PAX7: variants seen among roughly 807,000 people sequenced by gnomAD.
The protein encoded by PAX7 is paired box protein Pax-7.
In PAX7, 18 loss-of-function variants were observed where a neutral mutation model predicts 50.7. The ratio of observed to expected loss-of-function variants is 0.36; its 90% CI spans 0.25 to 0.53. The LOEUF is 0.53. PAX7 is among the 20% of genes least tolerant of loss of function. The pLI is 0.93. For synonymous variants in PAX7, 310 were observed against 290.4 expected (o/e 1.07, Z -0.69); for missense variants, 644 against 702.9 (o/e 0.92, Z 0.95).
chr1:18,699,738 T>G (rs2089193607), intron 5 of PAX7, among the ~76,000 whole-genome samples: 1 of 152,074 alleles, frequency 6.6e-6, no homozygotes, highest in East Asian at 1.9e-4. Context: ...TTTTTTTGTA[T>G]TTTTAGTAGA....
At chr1:18,679,878 C>CTT (rs1214788057) in intron 4 of PAX7, among the ~76,000 whole-genome samples, 4 of 152,238 alleles carry the variant, frequency 2.6e-5, no homozygotes, top group Admixed American at 2.0e-4. Context: ...CGCCAGGCAA[C>CTT]TGTGCTTGCC....
chr1:18,672,596 G>GTTTTTTTTTTTTTTTT (rs1034079316), intron 4 of PAX7, among the ~76,000 whole-genome samples: 1 of 125,844 alleles, frequency 7.9e-6, no homozygotes. Flanking sequence ...AGAGCACTGT[G>GTTTTTTTTTTTTTTTT]TTTTTTTTTT....
At chr1:18,712,061 C>T (rs952826729) in intron 7 of PAX7, among the ~76,000 whole-genome samples, 7 of 152,234 alleles carry the variant, frequency 4.6e-5, no homozygotes, top group Non-Finnish European at 7.3e-5. Flanking sequence ...TCCCCCGGTT[C>T]TCTTGGCGAG....
At chr1:18,724,211 A>T (rs2089528260) in intron 7 of PAX7, among the ~76,000 whole-genome samples, 1 of 151,404 alleles carries the variant, frequency 6.6e-6, no homozygotes, top group Non-Finnish European at 1.5e-5. Flanking sequence ...GCCCCACTCC[A>T]CCAGTCGAGG....
chr1:18,737,334 C>T (rs1022397271), intron 8 of PAX7, among the ~76,000 whole-genome samples: 5 of 152,256 alleles, frequency 3.3e-5, no homozygotes, highest in African/African-American at 7.2e-5. Flanking sequence ...TGCCCACCCC[C>T]CCAAACCCAC....
At chr1:18,637,172 C>A (rs1355908480) in intron 4 of PAX7, among the ~76,000 whole-genome samples, 8 of 152,152 alleles carry the variant, frequency 5.3e-5, no homozygotes, top group Admixed American at 2.6e-4. Context: ...AGTTTTCAAG[C>A]GCCCGGAAGC....
intron 4 of PAX7, among the ~76,000 whole-genome samples, chr1:18,675,752 C>T (rs2088813950): frequency 6.6e-6 from 1 of 152,150 alleles, no homozygotes; most frequent in South Asian, 2.1e-4. Context: ...TACCTGTGTT[C>T]GACCCCGATG....
intron 7 of PAX7, among the ~76,000 whole-genome samples, chr1:18,723,749 C>G (rs2089522498): frequency 6.6e-6 from 1 of 152,282 alleles, no homozygotes; most frequent in Non-Finnish European, 1.5e-5. Context: ...TTTTCCCTTC[C>G]ATTTTTAATA....
intron 4 of PAX7, among the ~76,000 whole-genome samples, chr1:18,657,443 CAA>C (rs1314489172): frequency 6.6e-6 from 1 of 152,016 alleles, no homozygotes; most frequent in East Asian, 1.9e-4. Flanking sequence ...TGCCTGATGG[CAA>C]AGAGACCAAA....
chr1:18,689,099 C>G (rs928595179), intron 4 of PAX7, among the ~76,000 whole-genome samples: 1 of 152,060 alleles, frequency 6.6e-6, no homozygotes. Flanking sequence ...TCCCCATCCG[C>G]CTCAGCTCCT....
At chr1:18,638,513 G>T (rs544298750) in intron 4 of PAX7, among the ~76,000 whole-genome samples, 1 of 152,244 alleles carries the variant, frequency 6.6e-6, no homozygotes, top group Non-Finnish European at 1.5e-5. Context: ...TATGCAGTGA[G>T]CCTGGTCTCC....
chr1:18,658,823 G>A (rs1482245755), intron 4 of PAX7, among the ~76,000 whole-genome samples: 2 of 152,220 alleles, frequency 1.3e-5, no homozygotes, highest in Non-Finnish European at 2.9e-5. Flanking sequence ...ACATGAAGTT[G>A]CCTTGGGAGA....
chr1:18,735,659 G>T lies in PAX7; in HGVS notation c.1183G>T (p.Ala395Ser), dbSNP rs2089700481. 1.2e-6 allele frequency: 2 copies of T among 1,613,744 alleles called. No homozygotes were observed. Among genetic ancestry groups the T allele is most frequent in the African/African-American group, 2.7e-5 (2 of 74,942 alleles). ...GATGAGCATCTTGGGCAACCCCAGTGCGGTGCCCCCGCAGCCACAGGCTGA... is the reference window on the plus strand; with the variant it reads ...GATGAGCATCTTGGGCAACCCCAGTTCGGTGCCCCCGCAGCCACAGGCTGA... Reference protein sequence around the residue: ...QVMSILGNPSAVPPQPQADFS... With the variant: ...QVMSILGNPSSVPPQPQADFS... The change falls in exon 8 of 9, where the codon GCG (alanine) becomes TCG (serine). Residue 395 changes from alanine (A) to serine (S), a missense_variant. Physicochemically the swap from Ala to Ser is moderately conservative, Grantham distance 99 (BLOSUM62 1). Coordinates refer to ENST00000420770, the MANE Select transcript of PAX7 (RefSeq NM_001135254.2). This position sits in a 1 kb window ranked among gnomAD's most constrained non-coding sequence, Gnocchi z 4.0.
intron 5 of PAX7, among the ~76,000 whole-genome samples, chr1:18,696,089 CAG>C (rs1313481396): frequency 7.8e-6 from 1 of 128,098 alleles, no homozygotes; most frequent in Non-Finnish European, 1.6e-5. Flanking sequence ...TTTTTTGAGA[CAG>C]AGTTTCACTC....
chr1:18,712,318 C>T (rs1287247996), intron 7 of PAX7, among the ~76,000 whole-genome samples: 2 of 152,206 alleles, frequency 1.3e-5, no homozygotes, highest in Non-Finnish European at 2.9e-5. Flanking sequence ...TATTTCCCCC[C>T]GGCAGCTCCT....
chr1:18,635,103 C>A lies in PAX7; in HGVS notation c.322-8C>A. On this transcript the variant is annotated splice_region_variant and splice_polypyrimidine_tract_variant and intron_variant, in intron 2 of 8. Coordinates refer to ENST00000420770, the MANE Select transcript of PAX7 (RefSeq NM_001135254.2). ...TCCACTCCTACTCTCCCACCTCCAC[C>A]TCTGAAGCAGGTGGCGACTCCGGAT... The A allele has an allele frequency of 6.2e-7, 1 of 1,613,534 alleles. No homozygotes were observed. Among genetic ancestry groups the A allele is most frequent in the Non-Finnish European group, 8.5e-7 (1 of 1,179,642 alleles).
At chr1:18,709,988 G>T (rs114809624) in intron 7 of PAX7, among the ~76,000 whole-genome samples, 5,197 of 152,294 alleles carry the variant, frequency 0.034, 199 homozygotes, top group African/African-American at 0.096. Flanking sequence ...TTGTGAATGG[G>T]GTCTCCTGGG....
chr1:18,668,526 C>A (rs1310975887), intron 4 of PAX7, among the ~76,000 whole-genome samples: 1 of 152,102 alleles, frequency 6.6e-6, no homozygotes, highest in Non-Finnish European at 1.5e-5. Flanking sequence ...CATAGTGAGA[C>A]CCCATCTTTA....
chr1:18,634,483 G>T lies in PAX7; in HGVS notation c.266G>T (p.Arg89Leu), dbSNP rs897257600. The T allele has an allele frequency of 6.2e-7, 1 of 1,614,134 alleles. No individual in the cohort carries two copies. Among genetic ancestry groups the T allele is most frequent in the Non-Finnish European group, 8.5e-7 (1 of 1,180,042 alleles). Residue 89 changes from arginine to leucine, a missense_variant, in exon 2 of 9, where the codon CGC (arginine) becomes CTC (leucine). Coordinates refer to ENST00000420770, the MANE Select transcript of PAX7 (RefSeq NM_001135254.2). The surrounding 1 kb of genome is among the most constrained non-coding windows in gnomAD (Gnocchi z 4.0). ...SHGCVSKILC[R>L]YQETGSIRPG... ...GGCTGCGTCTCCAAGATTCTTTGCC[G>T]CTACCAGGAGACCGGGTCCATCCGG...
Sources: gnomAD v4.1 joint callset for allele counts (sites outside exome capture counted in the v4.1 genomes callset) on GRCh38, gnomAD v4.1.1 for gene constraint, Gnocchi (gnomAD v3.1) non-coding constraint, MANE v1.5 for transcripts, NCBI Gene and HGNC (gene_info 2026-07-23, HGNC 2026-07-21) for gene names.